The following ZNF441 variants were observed in gnomAD, a reference collection of about 807,000 sequenced individuals.
ZNF441 encodes the protein zinc finger protein 441.
A neutral mutation model predicts 64.5 loss-of-function variants in ZNF441; 25 were observed. That is an observed-to-expected ratio of 0.39 (90% CI 0.28 to 0.54). The LOEUF is 0.54. Ranked by LOEUF, ZNF441 falls within the 20% of genes least tolerant of loss-of-function variation. The pLI, the probability that ZNF441 is intolerant of heterozygous loss-of-function variation, is 0.70. For missense variants in ZNF441, 715 were observed against 843.3 expected (o/e 0.85, Z 1.88); for synonymous variants, 262 against 268.0 (o/e 0.98, Z 0.22).
At chr19:11,770,023 C>T (rs1975300874) in intron 1 of ZNF441, among the ~76,000 whole-genome samples, 1 of 152,018 alleles carries the variant, frequency 6.6e-6, no homozygotes, top group Non-Finnish European at 1.5e-5. Flanking sequence ...TATGCCCTCA[C>T]ATGGTGGAGA....
In ZNF441 at chr19:11,781,535, C is replaced by G. The variant is rs768359562; in HGVS notation, c.1711C>G (p.Leu571Val). 4 of 1,613,748 alleles carry G rather than the reference C, an allele frequency of 2.5e-6. No individual in the cohort carries two copies. The Admixed American group carries it at 5.0e-5, about 20-fold the overall frequency. Residue 571 changes from leucine to valine, a missense_variant, in exon 4 of 4, where the codon CTC (leucine) becomes GTC (valine). Physicochemically the swap from Leu to Val is conservative, Grantham distance 32 (BLOSUM62 1). This residue lies in a region of ZNF441 where 316 missense variants were observed against 429.3 expected (regional missense o/e 0.74). Coordinates refer to ENST00000357901, the MANE Select transcript of ZNF441 (RefSeq NM_152355.3). ...GCAATGTGGGAAAGCATTATCTGAT[C>G]TCTCAAGCTTTCGAAGACACATGAT... ...CQQCGKALSD[L>V]SSFRRHMITH...
intron 1 of ZNF441, among the ~76,000 whole-genome samples, chr19:11,768,346 T>G (rs2047166228): frequency 1.3e-5 from 2 of 152,200 alleles, no homozygotes; most frequent in Non-Finnish European, 2.9e-5. Context: ...TGTGAACATT[T>G]CACATGAGAG....
At position 11,780,493 on chromosome 19, in the gene ZNF441, A is replaced by C. The variant is rs1225454036; in HGVS notation, c.669A>C (p.Pro223=). 3 of 1,614,016 alleles carry C rather than the reference A, an allele frequency of 1.9e-6. No homozygotes were observed. The Admixed American group carries it at 5.0e-5, about 27-fold the overall frequency. ...GAAGAACTCACACTGAAGAGAAACCATATGAATATGAGCAGTGTTCTACAG... is the reference window on the plus strand; with the variant it reads ...GAAGAACTCACACTGAAGAGAAACCCTATGAATATGAGCAGTGTTCTACAG... ...MLRRTHTEEK[P]YEYEQCSTAF... Residue 223 remains proline (P), a synonymous_variant, in exon 4 of 4, where the codon CCA becomes CCC. Coordinates refer to ENST00000357901, the MANE Select transcript of ZNF441 (RefSeq NM_152355.3).
rs1298624678 is a variant in ZNF441 at position 11,767,179 on chromosome 19, G to C, written c.-15G>C. On this transcript the variant is annotated 5_prime_UTR_variant, in exon 1 of 4. Transcript: ENST00000357901. The surrounding 1 kb of genome is among the most constrained non-coding windows in gnomAD (Gnocchi z 5.1). Reference sequence around the variant, plus strand: ...GGGAGGCAGAGGGAGGAACCTGGACGCCGGAAGCCGGGAAATGGTGAGTGT... The same window carrying C: ...GGGAGGCAGAGGGAGGAACCTGGACCCCGGAAGCCGGGAAATGGTGAGTGT... The C allele has an allele frequency of 6.4e-7, 1 of 1,558,050 alleles. No individual in the cohort carries two copies. Among genetic ancestry groups the C allele is most frequent in the Non-Finnish European group, 8.7e-7 (1 of 1,150,846 alleles).
At chr19:11,770,976 ATATATAACCAATGCT>A (rs1975309260) in intron 1 of ZNF441, among the ~76,000 whole-genome samples, 1 of 152,186 alleles carries the variant, frequency 6.6e-6, no homozygotes, top group Non-Finnish European at 1.5e-5. Flanking sequence ...GAAAGCAAAG[ATATATAACCAATGCT>A]TAAAAACCTT....
chr19:11,775,709 C>T (rs1224300152), intron 1 of ZNF441, among the ~76,000 whole-genome samples: 5 of 144,628 alleles, frequency 3.5e-5, no homozygotes, highest in African/African-American at 7.9e-5. Context: ...CTCACTGCAA[C>T]CTCCGATTCG....
At chr19:11,773,684 C>T (rs1447997822) in intron 1 of ZNF441, among the ~76,000 whole-genome samples, 1 of 152,130 alleles carries the variant, frequency 6.6e-6, no homozygotes, top group African/African-American at 2.4e-5. Flanking sequence ...GGATTGATCT[C>T]TTTATCATTA....
Position 11,780,648 on chromosome 19 carries a change from C to G in ZNF441, c.824C>G (p.Thr275Ser), listed in dbSNP as rs1441619114. The stretch of plus-strand genomic sequence containing the variant: ...ACTCAACTATATGAAAGGACTCACA[C>G]TGGAGAACAATCCTATGAATGTAAG... ...CYTQLYERTH[T>S]GEQSYECKQC... is the part of the protein sequence containing the mutation. Residue 275 changes from threonine to serine, a missense_variant, in exon 4 of 4, where the codon ACT becomes AGT. By Grantham distance (58) the Thr-to-Ser change is moderately conservative. Around this residue, in one of 2 missense-constraint regions of ZNF441, gnomAD observed 399 missense variants for 413.9 expected, o/e 0.96. Transcript: ENST00000357901. 3 of 1,614,148 alleles carry G rather than the reference C, an allele frequency of 1.9e-6. No homozygotes were observed. The highest frequency in any genetic ancestry group is 2.5e-6 in the Non-Finnish European group (3 of 1,180,022).
At chr19:11,771,477 A>G (rs8100447) in intron 1 of ZNF441, among the ~76,000 whole-genome samples, 23,041 of 152,174 alleles carry the variant, frequency 0.15, 3,738 homozygotes, top group African/African-American at 0.39. Flanking sequence ...AAAATATAAA[A>G]CAAGAATAGT....
At chr19:11,768,478 G>T (rs1439014382) in intron 1 of ZNF441, among the ~76,000 whole-genome samples, 2 of 152,118 alleles carry the variant, frequency 1.3e-5, no homozygotes, top group African/African-American at 4.8e-5. Flanking sequence ...AATGTCTTTG[G>T]ATTAAGTTTC....
chr19:11,779,231 G>T (rs1453010000), intron 3 of ZNF441, among the ~76,000 whole-genome samples: 1 of 149,142 alleles, frequency 6.7e-6, no homozygotes, highest in African/African-American at 2.5e-5. Context: ...AGACAGGAAG[G>T]TTGCTTGAGC....
chr19:11,782,098 G>T lies in ZNF441; in HGVS notation c.*192G>T. 1 of 450,788 alleles carries T rather than the reference G, an allele frequency of 2.2e-6. No homozygotes were observed. Among genetic ancestry groups the T allele is most frequent in the Non-Finnish European group, 3.8e-6 (1 of 261,614 alleles). The allele number at this position is 450,788 out of a possible 1,614,324, so 27.9% of individuals were successfully genotyped here. On this transcript the variant is annotated 3_prime_UTR_variant, in exon 4 of 4. Transcript: ENST00000357901. ...AAAAATATATATATAATGAATGTGA[G>T]GAATATGAAAAAACTTTCTTTGTCT... is the stretch of plus-strand genomic sequence containing the variant.
At chr19:11,773,565 A>G (rs893617842) in intron 1 of ZNF441, among the ~76,000 whole-genome samples, 1 of 152,168 alleles carries the variant, frequency 6.6e-6, no homozygotes, top group African/African-American at 2.4e-5. Flanking sequence ...TTCTCCAACT[A>G]TAGTTGTAGA....
chr19:11,783,442 G>T lies in ZNF441; in HGVS notation c.*1536G>T, dbSNP rs1975419714. 6.6e-6 allele frequency: 1 copy of T among 152,210 alleles called. No homozygotes were observed. The allele number at this position is 152,210 out of a possible 1,614,324, so 9.4% of individuals were successfully genotyped here. A position where few individuals can be genotyped will look rare whatever the true frequency, so the allele number is the denominator to read the frequency against. On this transcript the variant is annotated 3_prime_UTR_variant, in exon 4 of 4. Transcript: ENST00000357901. ...CAAACCAAGTATAACCACAGGAAAA[G>T]AAATCAGTATATCAAAGAGATACTT...
In ZNF441 at chr19:11,783,563, A is replaced by G. The variant is rs1466027259; in HGVS notation, c.*1657A>G. 1 of 152,234 alleles carries G rather than the reference A, an allele frequency of 6.6e-6. No homozygotes were observed. Among genetic ancestry groups the G allele is most frequent in the African/African-American group, 2.4e-5 (1 of 41,464 alleles). The allele number at this position is 152,234 out of a possible 1,614,324, so 9.4% of individuals were successfully genotyped here. A position where few individuals can be genotyped will look rare whatever the true frequency, so the allele number is the denominator to read the frequency against. On this transcript the variant is annotated 3_prime_UTR_variant, in exon 4 of 4. Coordinates refer to ENST00000357901, the MANE Select transcript of ZNF441 (RefSeq NM_152355.3). ...GGACACAGGGATAAAGAAAATGTTT[A>G]TGTACACAGTGGAATACTATTTGGC...
chr19:11,777,527 A>G (rs1975364688), intron 1 of ZNF441, 84 bp from the exon 2 acceptor site: 2 of 1,482,234 alleles, frequency 1.3e-6, no homozygotes, highest in Non-Finnish European at 1.8e-6. Context: ...AAACCACAGC[A>G]TCATGTGAAG....
chr19:11,781,552 A>G lies in ZNF441; in HGVS notation c.1728A>G (p.Arg576=). 1 of 1,614,108 alleles carries G rather than the reference A, an allele frequency of 6.2e-7. No individual in the cohort carries two copies. Among genetic ancestry groups the G allele is most frequent in the South Asian group, 1.1e-5 (1 of 91,082 alleles). The change falls in exon 4 of 4, where the codon AGA becomes AGG. Residue 576 remains arginine (R), a synonymous_variant. Transcript: ENST00000357901. The stretch of plus-strand genomic sequence containing the variant: ...TATCTGATCTCTCAAGCTTTCGAAG[A>G]CACATGATAACACATACTGGAAATG... ...KALSDLSSFR[R]HMITHTGNGP...
At chr19:11,777,793 A>G (rs966302923) in intron 2 of ZNF441, 56 bp downstream of exon 2, 6 of 1,569,542 alleles carry the variant, frequency 3.8e-6, no homozygotes, top group Admixed American at 2.0e-5. Flanking sequence ...TTTCTTGGTC[A>G]TCAATGCTGT....
At chr19:11,771,452 C>T (rs900758078) in intron 1 of ZNF441, among the ~76,000 whole-genome samples, 47 of 152,332 alleles carry the variant, frequency 3.1e-4, no homozygotes, top group Admixed American at 1.1e-3. Context: ...AGGACACGAG[C>T]TGTTCCAGTA....
Sources: allele counts gnomAD v4.1 joint callset (sites outside exome capture counted in the v4.1 genomes callset), GRCh38; gene constraint gnomAD v4.1.1; regional missense constraint gnomAD v4.1.1; non-coding constraint Gnocchi (gnomAD v3.1); transcripts MANE v1.5; gene names NCBI Gene and HGNC (gene_info 2026-07-23, HGNC 2026-07-21).